Variants in IPCEF1 observed in about 807,000 individuals in gnomAD.
IPCEF1 encodes the protein interaction protein for cytohesin exchange factors 1.
In IPCEF1, 31 loss-of-function variants were observed where a neutral mutation model predicts 50.9. The observed-to-expected ratio is 0.61, with a 90% CI of 0.46 to 0.82. IPCEF1 has a LOEUF of 0.82. IPCEF1 is among the 40% of genes least tolerant of loss of function. IPCEF1 has a pLI of 0.00. For synonymous variants in IPCEF1, 181 were observed against 192.0 expected (o/e 0.94, Z 0.47); for missense variants, 458 against 514.0 (o/e 0.89, Z 1.05).
chr6:154,188,934 C>CA (rs1801620938), intron 10 of IPCEF1, among the ~76,000 whole-genome samples: 1 of 148,082 alleles, frequency 6.8e-6, no homozygotes. Context: ...TTTCTTGATA[C>CA]CAAAAAAAAG....
At chr6:154,211,754 T>G (rs1458057549) in intron 9 of IPCEF1, among the ~76,000 whole-genome samples, 1 of 152,204 alleles carries the variant, frequency 6.6e-6, no homozygotes, top group African/African-American at 2.4e-5. Context: ...GGTGCAAAAG[T>G]GATTGTGTTT....
chr6:154,226,852 C>T (rs1779292731), intron 5 of IPCEF1, among the ~76,000 whole-genome samples: 1 of 152,022 alleles, frequency 6.6e-6, no homozygotes, highest in Non-Finnish European at 1.5e-5. Flanking sequence ...TTCATCTCTC[C>T]CCCTCCCCCA....
chr6:154,302,438 G>T (rs1782819527), intron 1 of IPCEF1, among the ~76,000 whole-genome samples: 2 of 152,120 alleles, frequency 1.3e-5, no homozygotes. Context: ...TAGGACTTTG[G>T]ATAAACTATT....
At chr6:154,226,091 T>C (rs1024043814) in intron 5 of IPCEF1, among the ~76,000 whole-genome samples, 1 of 152,208 alleles carries the variant, frequency 6.6e-6, no homozygotes, top group Non-Finnish European at 1.5e-5. Flanking sequence ...CTCCTGTCTG[T>C]TTCTTAAATG....
At chr6:154,221,917 C>G (rs1016029512) in intron 6 of IPCEF1, among the ~76,000 whole-genome samples, 10 of 152,060 alleles carry the variant, frequency 6.6e-5, no homozygotes, top group Admixed American at 5.2e-4. Flanking sequence ...ATAGGTATAT[C>G]CTCTTCCTTT....
chr6:154,228,081 G>A (rs112551551), intron 5 of IPCEF1, among the ~76,000 whole-genome samples: 1 of 151,804 alleles, frequency 6.6e-6, no homozygotes, highest in Non-Finnish European at 1.5e-5. Context: ...CTCCTCCTCC[G>A]CTTCTCCAGA....
Position 154,160,050 on chromosome 6 carries a change from T to A in IPCEF1, c.1105-10A>T. 2 of 1,595,756 alleles carry A rather than the reference T, an allele frequency of 1.3e-6. No homozygotes were observed. The highest frequency in any genetic ancestry group is 1.7e-6 in the Non-Finnish European group (2 of 1,172,666). ...GATCATGTTCTTTACACTGTGTGAG[T>A]AGAAAAAAAGGGGAAGGGGGTATGT... On this transcript the variant is annotated splice_polypyrimidine_tract_variant and intron_variant, in intron 11 of 11. Transcript: ENST00000367220.
chr6:154,188,240 G>A (rs140383345), intron 10 of IPCEF1, among the ~76,000 whole-genome samples: 91 of 152,168 alleles, frequency 6.0e-4, no homozygotes, highest in African/African-American at 2.2e-3. Context: ...GAGAAAAATC[G>A]ATGTTAAAAA....
At chr6:154,183,847 G>A (rs1037609097) in intron 10 of IPCEF1, among the ~76,000 whole-genome samples, 1 of 152,018 alleles carries the variant, frequency 6.6e-6, no homozygotes, top group Non-Finnish European at 1.5e-5. Flanking sequence ...CCGAGGTCAT[G>A]CCACTGCACT....
intron 5 of IPCEF1, among the ~76,000 whole-genome samples, chr6:154,226,974 A>G (rs1779302133): frequency 6.6e-6 from 1 of 152,188 alleles, no homozygotes; most frequent in Non-Finnish European, 1.5e-5. Context: ...AGGTGGGCGG[A>G]TCACCTGAGG....
At chr6:154,260,218 C>T (rs1039577531) in intron 3 of IPCEF1, among the ~76,000 whole-genome samples, 1 of 152,206 alleles carries the variant, frequency 6.6e-6, no homozygotes, top group Admixed American at 6.5e-5. Context: ...AACTTAACCA[C>T]AGTAGCAGAC....
chr6:154,254,806 G>T (rs967724043), intron 3 of IPCEF1, among the ~76,000 whole-genome samples: 3 of 151,930 alleles, frequency 2.0e-5, no homozygotes, highest in Non-Finnish European at 2.9e-5. Context: ...AATATAACAT[G>T]ATTATCTGTG....
rs753576461 is a variant in IPCEF1 at position 154,199,866 on chromosome 6, G to A, written c.712C>T (p.Pro238Ser). ...SLSAAEDEGQ[P>S]ITFAVQVHSP... ...TGAACTTGCACAGCAAACGTTATTG[G>A]TTGTCCCTCATCTTCAGCAGCAGAC... The change falls in exon 10 of 12, where the codon CCA (proline) becomes TCA (serine). Residue 238 changes from proline (P) to serine (S), a missense_variant. Pro to Ser is a moderately conservative substitution (Grantham distance 74). Coordinates refer to ENST00000367220, the MANE Select transcript of IPCEF1 (RefSeq NM_001130700.2). 1.9e-6 allele frequency: 3 copies of A among 1,614,056 alleles called. No individual in the cohort carries two copies. Among genetic ancestry groups the A allele is most frequent in the African/African-American group, 2.7e-5 (2 of 74,930 alleles).
intron 7 of IPCEF1, among the ~76,000 whole-genome samples, chr6:154,214,980 C>T (rs1249072141): frequency 6.6e-6 from 1 of 152,184 alleles, no homozygotes; most frequent in South Asian, 2.1e-4. Flanking sequence ...TCTTGAAACA[C>T]AAATTTTTAA....
chr6:154,237,095 G>A (rs1312901268), intron 5 of IPCEF1, among the ~76,000 whole-genome samples: 12 of 152,218 alleles, frequency 7.9e-5, no homozygotes, highest in Admixed American at 7.9e-4. Context: ...TAGCTTGTCT[G>A]TAGAAGAAGC....
chr6:154,332,763 T>A (rs1329624073), intron 1 of IPCEF1, among the ~76,000 whole-genome samples: 1 of 152,158 alleles, frequency 6.6e-6, no homozygotes, highest in Non-Finnish European at 1.5e-5. Context: ...TGTCACTTAG[T>A]GAATGAGGCT....
intron 1 of IPCEF1, among the ~76,000 whole-genome samples, chr6:154,307,085 T>C (rs1782954787): frequency 1.3e-5 from 2 of 152,138 alleles, no homozygotes; most frequent in Admixed American, 1.3e-4. Context: ...AATGACCTCA[T>C]TTTAACTTAA....
intron 3 of IPCEF1, among the ~76,000 whole-genome samples, chr6:154,262,540 A>C (rs1781626978): frequency 6.6e-6 from 1 of 152,136 alleles, no homozygotes; most frequent in African/African-American, 2.4e-5. Flanking sequence ...TGAACAAATA[A>C]ATTTGTTAAT....
In IPCEF1 at chr6:154,168,612, T is replaced by C. The variant is rs567269969; in HGVS notation, c.911-499A>G. ...ATTAATTAATTAATTAATTTTATTATTATTTTTTTTGAGACGGAGTTTTAC... is the reference window on the plus strand; with the variant it reads ...ATTAATTAATTAATTAATTTTATTACTATTTTTTTTGAGACGGAGTTTTAC... On this transcript the variant is annotated intron_variant, in intron 10 of 11. Coordinates refer to ENST00000367220, the MANE Select transcript of IPCEF1 (RefSeq NM_001130700.2). This position sits in a 1 kb window ranked among gnomAD's most constrained non-coding sequence, Gnocchi z 4.1. 1.3e-5 allele frequency among the ~76,000 whole-genome samples: 2 copies of C among 152,056 alleles called. No individual in the cohort carries two copies. The highest frequency in any genetic ancestry group is 2.9e-5 in the Non-Finnish European group (2 of 68,020).
Sources: allele counts gnomAD v4.1 joint callset (sites outside exome capture counted in the v4.1 genomes callset), GRCh38; gene constraint gnomAD v4.1.1; non-coding constraint Gnocchi (gnomAD v3.1); transcripts MANE v1.5; gene names NCBI Gene and HGNC (gene_info 2026-07-23, HGNC 2026-07-21).